The following ST6GALNAC6 variants were observed in gnomAD, a reference collection of about 807,000 sequenced individuals.
ST6GALNAC6 encodes alpha-N-acetylgalactosaminide alpha-2,6-sialyltransferase 6.
A neutral mutation model predicts 34.3 loss-of-function variants in ST6GALNAC6; 19 were observed. The observed-to-expected ratio is 0.55, with a 90% CI of 0.39 to 0.81. The LOEUF (loss-of-function observed/expected upper bound fraction) is 0.81, where lower values mean the gene tolerates loss of function less well. Among genes scored for constraint, ST6GALNAC6 ranks in the 40% least tolerant of loss-of-function variants. The pLI is 0.00. For synonymous variants in ST6GALNAC6, 185 were observed against 182.1 expected (o/e 1.02, Z -0.13); for missense variants, 377 against 467.7 (o/e 0.81, Z 1.79).
intron 5 of ST6GALNAC6, 106 bp from the exon 6 acceptor site, chr9:127,887,697 A>C (rs971830800): frequency 4.6e-6 from 4 of 875,234 alleles, no homozygotes; most frequent in Non-Finnish European, 7.3e-6. Flanking sequence ...CCATCCACTC[A>C]TCAGGGCCCC....
chr9:127,905,373 A>G (rs1411160979), upstream of ST6GALNAC6: 5 of 985,590 alleles, frequency 5.1e-6, no homozygotes, highest in South Asian at 2.3e-4. Context: ...CACCACCCCC[A>G]GAAAGACACA....
intron 5 of ST6GALNAC6, among the ~76,000 whole-genome samples, chr9:127,888,698 C>G (rs1259354781): frequency 6.7e-6 from 1 of 150,372 alleles, no homozygotes; most frequent in Non-Finnish European, 1.5e-5. Flanking sequence ...TCCAGCTGCT[C>G]GGGAGGCTGA....
In ST6GALNAC6 at chr9:127,898,147, C is replaced by A. The variant is rs1564493089; in HGVS notation, c.-29-137G>T. ...CGGTGGCTCACGTCTGTAATCCCAG[C>A]CCTTTGGGAGGCCGAGGTGGGCAGA... On this transcript the variant is annotated intron_variant, in intron 1 of 6. Coordinates refer to ENST00000373146, the MANE Select transcript of ST6GALNAC6 (RefSeq NM_013443.5). 2.0e-5 allele frequency: 13 copies of A among 635,898 alleles called. No individual in the cohort carries two copies. The South Asian group carries it at 2.1e-4, about 10-fold the overall frequency. The allele number at this position is 635,898 out of a possible 1,614,324, so 39.4% of individuals were successfully genotyped here. A position where few individuals can be genotyped will look rare whatever the true frequency, so the allele number is the denominator to read the frequency against.
At chr9:127,899,349 G>T in intron 1 of ST6GALNAC6, 154 bp downstream of exon 1, 2 of 333,252 alleles carry the variant, frequency 6.0e-6, no homozygotes, top group East Asian at 1.7e-4. Context: ...TCGGGGCGCG[G>T]CTACCAAGGG....
chr9:127,906,028 C>T, upstream of ST6GALNAC6: 6 of 985,592 alleles, frequency 6.1e-6, no homozygotes, highest in Non-Finnish European at 6.0e-6. Context: ...TCTCCTCCCC[C>T]CTCCCATTCC....
intron 2 of ST6GALNAC6, 125 bp from the exon 3 acceptor site, chr9:127,896,457 TC>T (rs1165321642): frequency 1.3e-6 from 1 of 795,522 alleles, no homozygotes; most frequent in Non-Finnish European, 2.0e-6. Flanking sequence ...CAGGACTGTA[TC>T]CCTTTTGCAG....
At position 127,895,910 on chromosome 9, in the gene ST6GALNAC6, C is replaced by T. The variant is rs139769186; in HGVS notation, c.117+332G>A. On this transcript the variant is annotated intron_variant, in intron 3 of 6. Coordinates refer to ENST00000373146, the MANE Select transcript of ST6GALNAC6 (RefSeq NM_013443.5). ...TTTGACTCTGATCAGTGCACCCTTG[C>T]CCCATTTCCCGCTCACCTCCACCTG... Among the ~76,000 whole-genome samples the T allele has an allele frequency of 1.3e-3, 204 of 152,306 alleles. 2 individuals are homozygous for T. Among genetic ancestry groups the T allele is most frequent in the African/African-American group, 4.8e-3 (198 of 41,576 alleles).
chr9:127,891,756 CAG>C (rs1248645699), intron 4 of ST6GALNAC6, among the ~76,000 whole-genome samples: 9 of 96,962 alleles, frequency 9.3e-5, no homozygotes, highest in Non-Finnish European at 1.4e-4. Flanking sequence ...GGGAAGAAGA[CAG>C]GGGGAGGGGA....
intron 4 of ST6GALNAC6, among the ~76,000 whole-genome samples, chr9:127,893,512 C>A (rs1031548460): frequency 6.6e-6 from 1 of 152,190 alleles, no homozygotes; most frequent in Non-Finnish European, 1.5e-5. Flanking sequence ...AAATACCACC[C>A]TCCCCAAGGC....
rs547892639 is a variant in ST6GALNAC6, at chr9:127,894,646, T to G, written c.163A>C (p.Ile55Leu). 20 of 1,614,162 alleles carry G rather than the reference T, an allele frequency of 1.2e-5. No individual in the cohort carries two copies. The South Asian group carries it at 1.8e-4, about 14-fold the overall frequency. The change falls in exon 4 of 7, where the codon ATC becomes CTC. Residue 55 changes from isoleucine (I) to leucine (L), a missense_variant. Physicochemically the swap from Ile to Leu is conservative, Grantham distance 5. Transcript: ENST00000373146. ...VFVILFALIT[I>L]LILYSSNSAN... is the part of the protein sequence containing the mutation. Reference sequence around the variant, plus strand: ...CTGTTGGAGCTGTAGAGGATGAGGATGGTGATGAGGGCAAAGAGGATCACG... The same window carrying G: ...CTGTTGGAGCTGTAGAGGATGAGGAGGGTGATGAGGGCAAAGAGGATCACG...
chr9:127,898,557 C>T (rs12378038), intron 1 of ST6GALNAC6, among the ~76,000 whole-genome samples: 1 of 152,242 alleles, frequency 6.6e-6, no homozygotes, highest in African/African-American at 2.4e-5. Context: ...CCCAGTGCAG[C>T]GACTTTCCCG....
chr9:127,899,457 CT>C, intron 1 of ST6GALNAC6, 45 bp downstream of exon 1: 2 of 883,126 alleles, frequency 2.3e-6, no homozygotes, highest in Non-Finnish European at 2.7e-6. Flanking sequence ...CAGCCCCCGC[CT>C]CCGCCCCCGC....
At position 127,886,576 on chromosome 9, in the gene ST6GALNAC6, T is replaced by C; in HGVS notation, c.*23A>G. 3 of 1,613,070 alleles carry C rather than the reference T, an allele frequency of 1.9e-6. No individual in the cohort carries two copies. The highest frequency in any genetic ancestry group is 2.5e-6 in the Non-Finnish European group (3 of 1,179,468). ...GAGGCTGCTTCTCCTCTGACCCTCC[T>C]GAGGTCCCACAGGCTGGGTGGCCTA... is the stretch of plus-strand genomic sequence containing the variant. On this transcript the variant is annotated 3_prime_UTR_variant, in exon 7 of 7. Transcript: ENST00000373146.
At chr9:127,899,724 G>C, upstream of ST6GALNAC6, 1 of 939,634 alleles carries the variant, frequency 1.1e-6, no homozygotes, top group Non-Finnish European at 1.3e-6. Context: ...GCGGGGAAGG[G>C]AAAGGGGAGG....
chr9:127,904,720 G>A (rs1830869474), intron 1 of ST6GALNAC6: 1 of 152,424 alleles, frequency 6.6e-6, no homozygotes, highest in Non-Finnish European at 1.5e-5. Flanking sequence ...CTGTGAGAGT[G>A]GCGGGCAGGT....
intron 4 of ST6GALNAC6, among the ~76,000 whole-genome samples, chr9:127,891,906 CTT>C (rs1295461868): frequency 1.3e-5 from 2 of 151,934 alleles, no homozygotes; most frequent in African/African-American, 2.4e-5. Context: ...AATCCCAGCA[CTT>C]TGGGAGGCTG....
At chr9:127,888,985 G>T (rs1009352265) in intron 5 of ST6GALNAC6, among the ~76,000 whole-genome samples, 5 of 152,218 alleles carry the variant, frequency 3.3e-5, no homozygotes, top group African/African-American at 1.2e-4. Context: ...TAGAAAGGAA[G>T]AAATAAAATT....
intron 4 of ST6GALNAC6, among the ~76,000 whole-genome samples, chr9:127,891,675 AGAAAAAGGAAAGGAAAGGG>A (rs1410296042): frequency 6.7e-6 from 1 of 148,624 alleles, no homozygotes; most frequent in East Asian, 2.0e-4. Flanking sequence ...AAGAAGGAAA[AGAAAAAGGAAAGGAAAGGG>A]GAAAAAGGAA....
chr9:127,905,286 C>T (rs1830888278), exon 1 of ST6GALNAC6: 2 of 985,552 alleles, frequency 2.0e-6, no homozygotes, highest in African/African-American at 1.7e-5. Flanking sequence ...CAGTAGACCC[C>T]GAACCAGCCA....
Sources: gnomAD v4.1 joint callset for allele counts (sites outside exome capture counted in the v4.1 genomes callset) on GRCh38, gnomAD v4.1.1 for gene constraint, MANE v1.5 for transcripts, NCBI Gene and HGNC (gene_info 2026-07-23, HGNC 2026-07-21) for gene names.